The following PLXDC2 variants were observed in gnomAD, a reference collection of about 807,000 sequenced individuals.
PLXDC2 encodes the protein plexin domain containing 2.
A neutral mutation model predicts 68.9 loss-of-function variants in PLXDC2; 40 were observed. The ratio of observed to expected loss-of-function variants is 0.58; its 90% CI spans 0.45 to 0.76. The LOEUF is 0.76. Ranked by LOEUF, PLXDC2 falls within the 30% of genes least tolerant of loss-of-function variation. The pLI is 0.00. For missense variants in PLXDC2, 644 were observed against 661.9 expected (o/e 0.97, Z 0.30); for synonymous variants, 243 against 234.2 (o/e 1.04, Z -0.34).
intron 1 of PLXDC2, among the ~76,000 whole-genome samples, chr10:19,895,698 T>C (rs1448060002): frequency 6.6e-6 from 1 of 152,114 alleles, no homozygotes; most frequent in African/African-American, 2.4e-5. Flanking sequence ...TGAAATTCCC[T>C]TTTGTCAGGC....
chr10:20,154,507 T>C (rs996945319), intron 6 of PLXDC2, among the ~76,000 whole-genome samples: 1 of 149,876 alleles, frequency 6.7e-6, no homozygotes, highest in African/African-American at 2.5e-5. Context: ...GAAGTTGCAC[T>C]GAGCAGAGAT....
chr10:20,251,327 GC>G (rs1464118063), intron 13 of PLXDC2, among the ~76,000 whole-genome samples: 1 of 152,078 alleles, frequency 6.6e-6, no homozygotes, highest in Non-Finnish European at 1.5e-5. Context: ...GTCTACATAT[GC>G]TTTAAGTTTT....
intron 1 of PLXDC2, among the ~76,000 whole-genome samples, chr10:19,971,646 A>G (rs1834355502): frequency 6.6e-6 from 1 of 152,170 alleles, no homozygotes; most frequent in Non-Finnish European, 1.5e-5. Flanking sequence ...TCTAATATTT[A>G]TTAGGAAACT....
At chr10:20,108,754 T>C (rs1329642912) in intron 4 of PLXDC2, among the ~76,000 whole-genome samples, 1 of 152,188 alleles carries the variant, frequency 6.6e-6, no homozygotes, top group African/African-American at 2.4e-5. Flanking sequence ...TCTTCTAATC[T>C]CTTTGACTTT....
chr10:20,230,088 C>T (rs1406753266), intron 12 of PLXDC2, among the ~76,000 whole-genome samples: 1 of 152,122 alleles, frequency 6.6e-6, no homozygotes, highest in African/African-American at 2.4e-5. Context: ...AGACCAAATA[C>T]AAACATACTA....
At chr10:19,836,882 T>A (rs1836803138) in intron 1 of PLXDC2, among the ~76,000 whole-genome samples, 1 of 152,162 alleles carries the variant, frequency 6.6e-6, no homozygotes, top group East Asian at 1.9e-4. Context: ...GAAGATGAAT[T>A]TTTGTGGTGA....
At chr10:20,124,624 G>A (rs193178511) in intron 4 of PLXDC2, among the ~76,000 whole-genome samples, 1,847 of 151,994 alleles carry the variant, frequency 0.012, 29 homozygotes, top group African/African-American at 0.039. Flanking sequence ...GGCTGAGTCC[G>A]AAAAGAGAGT....
chr10:19,974,708 C>T (rs1834418708), intron 1 of PLXDC2, among the ~76,000 whole-genome samples: 2 of 152,094 alleles, frequency 1.3e-5, no homozygotes, highest in African/African-American at 2.4e-5. Context: ...GGGCAGGGAC[C>T]GGGTCTGGTT....
At chr10:20,066,352 G>T (rs1836211850) in intron 3 of PLXDC2, among the ~76,000 whole-genome samples, 1 of 152,172 alleles carries the variant, frequency 6.6e-6, no homozygotes. Flanking sequence ...TTGATATTTG[G>T]TGGTAATTGA....
At chr10:20,219,915 C>T (rs78986212) in intron 12 of PLXDC2, among the ~76,000 whole-genome samples, 321 of 152,206 alleles carry the variant, frequency 2.1e-3, no homozygotes, top group African/African-American at 7.5e-3. Flanking sequence ...ATCCAATATA[C>T]ACATGTTAAG....
rs761544049 is a variant in PLXDC2 at position 20,245,403 on chromosome 10, C to T, written c.1371C>T (p.Ile457=). 9 of 1,613,932 alleles carry T rather than the reference C, an allele frequency of 5.6e-6. No individual in the cohort carries two copies. The Admixed American group carries it at 8.3e-5, about 15-fold the overall frequency. Residue 457 remains isoleucine (I), a synonymous_variant, in exon 13 of 14, where the codon ATC becomes ATT. Coordinates refer to ENST00000377252, the MANE Select transcript of PLXDC2 (RefSeq NM_032812.9). ...KKGGTLHAGL[I]IGILILVLIV... ...GGGGAACCCTCCACGCTGGCCTCAT[C>T]ATTGGAATCCTCATCCTGGTCCTCA...
chr10:20,227,112 T>G (rs904719025), intron 12 of PLXDC2, among the ~76,000 whole-genome samples: 1 of 152,150 alleles, frequency 6.6e-6, no homozygotes, highest in Non-Finnish European at 1.5e-5. Context: ...CAATTAACTT[T>G]GATGCTGAAT....
intron 1 of PLXDC2, among the ~76,000 whole-genome samples, chr10:19,955,857 A>G (rs1834061140): frequency 6.6e-6 from 1 of 152,102 alleles, no homozygotes; most frequent in Non-Finnish European, 1.5e-5. Flanking sequence ...AGGTGGGTGG[A>G]TCACCTGAGT....
intron 12 of PLXDC2, 63 bp downstream of exon 12, chr10:20,219,165 A>G: frequency 6.6e-7 from 1 of 1,524,548 alleles, no homozygotes; most frequent in Non-Finnish European, 8.9e-7. Context: ...CATTTATTTT[A>G]CTATGAGAAA....
chr10:20,063,739 G>C lies in PLXDC2; in HGVS notation c.472-4431G>C, dbSNP rs142920336. Among the ~76,000 whole-genome samples the C allele has an allele frequency of 7.1e-3, 1,081 of 152,224 alleles. 12 individuals are homozygous for C. The highest frequency in any genetic ancestry group is 0.025 in the South Asian group (121 of 4,814). ...TGAGTCTGATAGTCTGTTGCCCCGA[G>C]AAATTGTAATGGGGTATGTTTTGGG... On this transcript the variant is annotated intron_variant, in intron 3 of 13. Coordinates refer to ENST00000377252, the MANE Select transcript of PLXDC2 (RefSeq NM_032812.9).
At chr10:20,030,024 G>T (rs1306832512) in intron 2 of PLXDC2, among the ~76,000 whole-genome samples, 4 of 152,032 alleles carry the variant, frequency 2.6e-5, no homozygotes, top group Non-Finnish European at 5.9e-5. Context: ...ACTGCTAAAA[G>T]TTCCTCTATG....
At chr10:20,218,007 A>T (rs532152419) in intron 11 of PLXDC2, among the ~76,000 whole-genome samples, 14 of 152,258 alleles carry the variant, frequency 9.2e-5, no homozygotes, top group African/African-American at 3.4e-4. Context: ...TATAATTCTA[A>T]TGTTTTCCAG....
intron 1 of PLXDC2, among the ~76,000 whole-genome samples, chr10:19,898,918 AT>A (rs1838110967): frequency 6.6e-6 from 1 of 152,224 alleles, no homozygotes; most frequent in East Asian, 1.9e-4. Context: ...ACTGGGCTGG[AT>A]TTCATATACA....
chr10:20,217,297 A>T, intron 10 of PLXDC2, 129 bp from the exon 11 acceptor site: 1 of 793,786 alleles, frequency 1.3e-6, no homozygotes, highest in Non-Finnish European at 1.9e-6. Context: ...ATAGTCTTGT[A>T]CAAAAGTAAT....
Sources: gnomAD v4.1 joint callset for allele counts (sites outside exome capture counted in the v4.1 genomes callset) on GRCh38, gnomAD v4.1.1 for gene constraint, MANE v1.5 for transcripts, NCBI Gene and HGNC (gene_info 2026-07-23, HGNC 2026-07-21) for gene names.